DNPEP: variants seen among roughly 807,000 people sequenced by gnomAD.
The protein encoded by DNPEP is aspartyl aminopeptidase.
DNPEP carries 46 observed loss-of-function variants against 59.1 expected under a neutral mutation model. The observed-to-expected ratio is 0.78, with a 90% CI of 0.61 to 0.99. The LOEUF (loss-of-function observed/expected upper bound fraction) is 0.99. Ranked by LOEUF, DNPEP falls within the 50% of genes least tolerant of loss-of-function variation. DNPEP has a pLI of 0.00. For missense variants in DNPEP, 617 were observed against 649.9 expected, an observed-to-expected ratio of 0.95 and a Z score of 0.55; for synonymous variants, 229 against 242.2, an observed-to-expected ratio of 0.95 and a Z score of 0.50.
Position 219,387,174 on chromosome 2 carries a change from G to C in DNPEP, c.37-11C>G, listed in dbSNP as rs1402981950. ...ACCGTTCATGGCCACCTAGGGGAGG[G>C]GGATGCTCAGACTTTTACAAGGTCT... On this transcript the variant is annotated splice_polypyrimidine_tract_variant and intron_variant, in intron 1 of 14. Coordinates refer to ENST00000273075, the MANE Select transcript of DNPEP (RefSeq NM_012100.4). 1 of 1,552,514 alleles carries C rather than the reference G, an allele frequency of 6.4e-7. No individual in the cohort carries two copies. The highest frequency in any genetic ancestry group is 8.7e-7 in the Non-Finnish European group (1 of 1,147,772).
intron 13 of DNPEP, among the ~76,000 whole-genome samples, chr2:219,377,680 T>C (rs982132850): frequency 2.6e-5 from 4 of 152,072 alleles, no homozygotes; most frequent in African/African-American, 9.7e-5. Context: ...TCCTAGCACT[T>C]TGGGAGGCCA....
Position 219,387,892 on chromosome 2 carries a change from C to T in DNPEP, c.-98G>A. 2.1e-6 allele frequency: 3 copies of T among 1,414,750 alleles called. No individual in the cohort carries two copies. The highest frequency in any genetic ancestry group is 2.8e-6 in the Non-Finnish European group (3 of 1,086,040). 87.6% of individuals were successfully genotyped at this position (1,414,750 alleles called of 1,614,324 possible). On this transcript the variant is annotated 5_prime_UTR_variant, in exon 1 of 15. Coordinates refer to ENST00000273075, the MANE Select transcript of DNPEP (RefSeq NM_012100.4). The stretch of plus-strand genomic sequence containing the variant: ...GTGCCCCTTCAGGCCGCGCCGCACT[C>T]GTAGGCCTTCATCACGCTTCCCCGG...
At chr2:219,392,570 G>A (rs1027314692), upstream of DNPEP, among the ~76,000 whole-genome samples, 42 of 152,094 alleles carry the variant, frequency 2.8e-4, no homozygotes, top group African/African-American at 9.6e-4. Context: ...GTGCAGTGGC[G>A]CTATTTTGGC....
intron 13 of DNPEP, among the ~76,000 whole-genome samples, chr2:219,376,490 A>G (rs563803678): frequency 1.3e-5 from 2 of 151,954 alleles, no homozygotes; most frequent in Non-Finnish European, 2.9e-5. Flanking sequence ...CCTGTCTAAA[A>G]AAAAAAAAAG....
At chr2:219,393,557 G>T (rs920957234), upstream of DNPEP, 1 of 152,478 alleles carries the variant, frequency 6.6e-6, no homozygotes, top group East Asian at 1.9e-4. Context: ...TGGGATTACA[G>T]GTGTGAGCCA....
upstream of DNPEP, chr2:219,387,946 C>T: frequency 8.6e-7 from 1 of 1,160,404 alleles, no homozygotes; most frequent in Non-Finnish European, 1.1e-6. Flanking sequence ...TGTTTGGCCT[C>T]CCCGCCCACC....
At chr2:219,399,809 G>T in intron 1 of DNPEP, 1 of 1,299,942 alleles carries the variant, frequency 7.7e-7, no homozygotes, top group Non-Finnish European at 1.0e-6. Flanking sequence ...ATGGAAGGCT[G>T]GTGCCTAGGA....
rs754958453 is a variant in DNPEP at position 219,381,635 on chromosome 2, G to A, written c.1098-51C>T. ...CATAGCAAACAGGAGCAGGCCTGTCGACACTCACCACCCTCCCATGGCAGA... is the reference window on the plus strand; with the variant it reads ...CATAGCAAACAGGAGCAGGCCTGTCAACACTCACCACCCTCCCATGGCAGA... On this transcript the variant is annotated intron_variant, in intron 11 of 14. Coordinates refer to ENST00000273075, the MANE Select transcript of DNPEP (RefSeq NM_012100.4). The A allele has an allele frequency of 5.1e-6, 8 of 1,570,440 alleles. No homozygotes were observed. The African/African-American group carries it at 5.4e-5, about 11-fold the overall frequency.
At chr2:219,393,035 G>A (rs1041513955), upstream of DNPEP, among the ~76,000 whole-genome samples, 1 of 152,190 alleles carries the variant, frequency 6.6e-6, no homozygotes, top group Non-Finnish European at 1.5e-5. Flanking sequence ...TCCAAGCCGC[G>A]CTGCCTGGTC....
chr2:219,385,871 C>T, intron 6 of DNPEP, 97 bp downstream of exon 6: 10 of 1,535,994 alleles, frequency 6.5e-6, no homozygotes, highest in Non-Finnish European at 8.9e-6. Flanking sequence ...AACTGGGTCC[C>T]AAGAGTAAAA....
intron 1 of DNPEP, among the ~76,000 whole-genome samples, chr2:219,396,148 T>A (rs550936155): frequency 6.6e-6 from 1 of 152,220 alleles, no homozygotes; most frequent in African/African-American, 2.4e-5. Flanking sequence ...TGGGGAGGGA[T>A]GTGTGACTAT....
chr2:219,387,111 T>G lies in DNPEP; in HGVS notation c.89A>C (p.Glu30Ala). The G allele has an allele frequency of 6.3e-7, 1 of 1,582,722 alleles. No individual in the cohort carries two copies. Among genetic ancestry groups the G allele is most frequent in the East Asian group, 2.3e-5 (1 of 43,706 alleles). ...RKEAVQTAAK[E>A]LLKFVNRSPS... ...ACTCCGGTTCACGAACTTGAGGAGT[T>G]CCTTAGCCGCAGTCTGCACCGCCTC... is the stretch of plus-strand genomic sequence containing the variant. Residue 30 changes from glutamate to alanine, a missense_variant, in exon 2 of 15, where the codon GAA becomes GCA. Glu to Ala is a moderately radical substitution (Grantham distance 107). Transcript: ENST00000273075.
intron 13 of DNPEP, among the ~76,000 whole-genome samples, chr2:219,377,277 C>CA (rs386392672): frequency 0.012 from 762 of 66,086 alleles, 221 homozygotes; most frequent in African/African-American, 0.051. Flanking sequence ...CTCACTCTGT[C>CA]AAAAAAAAAA....
At chr2:219,381,881 G>A in intron 11 of DNPEP, 98 bp downstream of exon 11, 1 of 1,440,058 alleles carries the variant, frequency 6.9e-7, no homozygotes, top group Non-Finnish European at 9.5e-7. Flanking sequence ...ATGAAGAAGG[G>A]AGAAAGGAAG....
At chr2:219,380,332 T>C (rs900644378) in intron 13 of DNPEP, among the ~76,000 whole-genome samples, 10 of 151,404 alleles carry the variant, frequency 6.6e-5, no homozygotes, top group Non-Finnish European at 1.3e-4. Context: ...CCTTCCCAAG[T>C]AGGGAAGGCC....
Position 219,381,598 on chromosome 2 carries a change from A to G in DNPEP, c.1098-14T>C, listed in dbSNP as rs1352509020. 28 of 1,613,900 alleles carry G rather than the reference A, an allele frequency of 1.7e-5. No individual in the cohort carries two copies. The highest frequency in any genetic ancestry group is 2.4e-5 in the Non-Finnish European group (28 of 1,179,928). ...TCATGCTTGTCCCTGTAAGAGACAG[A>G]TAAGGGCCAGACATAGCAAACAGGA... On this transcript the variant is annotated splice_polypyrimidine_tract_variant and intron_variant, in intron 11 of 14. Coordinates refer to ENST00000273075, the MANE Select transcript of DNPEP (RefSeq NM_012100.4).
Position 219,387,812 on chromosome 2 carries a change from C to A in DNPEP, c.-18G>T, listed in dbSNP as rs1333270880. 6.4e-7 allele frequency: 1 copy of A among 1,572,398 alleles called. No individual in the cohort carries two copies. The highest frequency in any genetic ancestry group is 1.4e-5 in the African/African-American group (1 of 71,846). On this transcript the variant is annotated 5_prime_UTR_variant, in exon 1 of 15. Coordinates refer to ENST00000273075, the MANE Select transcript of DNPEP (RefSeq NM_012100.4). ...CCGCTCATCTGGCCTCCGGGCTCGGCCCGCCCCCACCGCGCCGCCTGCCCC... is the reference window on the plus strand; with the variant it reads ...CCGCTCATCTGGCCTCCGGGCTCGGACCGCCCCCACCGCGCCGCCTGCCCC...
intron 13 of DNPEP, among the ~76,000 whole-genome samples, chr2:219,375,556 T>C (rs1953338953): frequency 6.7e-6 from 1 of 150,122 alleles, no homozygotes; most frequent in Non-Finnish European, 1.5e-5. Flanking sequence ...TAAAAATTTT[T>C]ATTTTATTTT....
intron 13 of DNPEP, among the ~76,000 whole-genome samples, chr2:219,375,256 G>A (rs1358911463): frequency 6.6e-6 from 1 of 152,152 alleles, no homozygotes; most frequent in African/African-American, 2.4e-5. Flanking sequence ...ACAGCAGGAA[G>A]GGGGATTTTT....
Sources: allele counts gnomAD v4.1 joint callset (sites outside exome capture counted in the v4.1 genomes callset), GRCh38; gene constraint gnomAD v4.1.1; transcripts MANE v1.5; gene names NCBI Gene and HGNC (gene_info 2026-07-23, HGNC 2026-07-21).